Variants in STAB2 observed in about 807,000 individuals in gnomAD.
STAB2 encodes stabilin 2.
STAB2 carries 288 observed loss-of-function variants against 338.1 expected under a neutral mutation model. The ratio of observed to expected loss-of-function variants is 0.85; its 90% CI spans 0.77 to 0.94. The LOEUF (loss-of-function observed/expected upper bound fraction) is 0.94, where lower values mean the gene tolerates loss of function less well. Ranked by LOEUF, STAB2 falls within the 40% of genes least tolerant of loss-of-function variation. The pLI is 0.00. For missense variants in STAB2, 3,141 were observed against 3,210.1 expected (o/e 0.98, Z 0.52); for synonymous variants, 1,202 against 1,193.3 (o/e 1.01, Z -0.15).
chr12:103,763,417 C>A, intron 67 of STAB2, 75 bp from the exon 68 acceptor site: 2 of 1,356,016 alleles, frequency 1.5e-6, no homozygotes, highest in South Asian at 1.2e-5. Context: ...GGGTGGCTTG[C>A]TTTACCTGCC....
intron 39 of STAB2, among the ~76,000 whole-genome samples, chr12:103,709,566 T>A (rs1879667336): frequency 1.3e-5 from 2 of 152,150 alleles, no homozygotes; most frequent in Admixed American, 1.3e-4. Flanking sequence ...GCTAGCCTAG[T>A]GGGGGCTCCA....
chr12:103,590,652 T>A (rs1160816118), intron 1 of STAB2, among the ~76,000 whole-genome samples: 1 of 152,216 alleles, frequency 6.6e-6, no homozygotes, highest in Non-Finnish European at 1.5e-5. Flanking sequence ...GTATGGCAAA[T>A]GTATGGTACA....
chr12:103,704,656 G>T (rs377050329), intron 36 of STAB2, 42 bp downstream of exon 36: 11 of 1,569,208 alleles, frequency 7.0e-6, no homozygotes, highest in African/African-American at 5.4e-5. Flanking sequence ...TTCCAGATCC[G>T]AGGAGTCCCA....
chr12:103,604,723 T>G (rs1394191698), intron 3 of STAB2, among the ~76,000 whole-genome samples: 1 of 151,956 alleles, frequency 6.6e-6, no homozygotes, highest in Non-Finnish European at 1.5e-5. Flanking sequence ...TTTCTGTGAT[T>G]GGTAATTTTC....
chr12:103,610,759 A>T (rs149133681), intron 3 of STAB2, among the ~76,000 whole-genome samples: 5,282 of 152,086 alleles, frequency 0.035, 186 homozygotes, highest in African/African-American at 0.091. Context: ...TTGCTTTTCT[A>T]GTTCTTTTCA....
chr12:103,648,236 C>T (rs899720217), intron 9 of STAB2, among the ~76,000 whole-genome samples: 4 of 152,144 alleles, frequency 2.6e-5, no homozygotes, highest in Non-Finnish European at 5.9e-5. Context: ...TTGAGCAGAG[C>T]TCTCAGCTAG....
chr12:103,759,560 A>G (rs1884389341), intron 65 of STAB2, among the ~76,000 whole-genome samples: 1 of 152,204 alleles, frequency 6.6e-6, no homozygotes, highest in Non-Finnish European at 1.5e-5. Context: ...AGACTATTCC[A>G]GGCATTAACA....
At chr12:103,757,822 C>A (rs1378369340) in intron 63 of STAB2, 1 of 263,090 alleles carries the variant, frequency 3.8e-6, no homozygotes, top group Non-Finnish European at 7.6e-6. Context: ...CTTTGGGCCT[C>A]GTGAGCTGTT....
At chr12:103,699,941 T>C (rs1468506016) in intron 34 of STAB2, among the ~76,000 whole-genome samples, 1 of 152,168 alleles carries the variant, frequency 6.6e-6, no homozygotes, top group African/African-American at 2.4e-5. Flanking sequence ...GAGATCAACC[T>C]AATTCCCAGG....
intron 51 of STAB2, among the ~76,000 whole-genome samples, chr12:103,734,993 C>T (rs999920653): frequency 6.6e-6 from 1 of 152,106 alleles, no homozygotes; most frequent in African/African-American, 2.4e-5. Flanking sequence ...TATAAGAACA[C>T]CATTCAAACT....
In STAB2 at chr12:103,668,627, C is replaced by T; in HGVS notation, c.2086-16C>T. 6.4e-7 allele frequency: 1 copy of T among 1,551,040 alleles called. No individual in the cohort carries two copies. The highest frequency in any genetic ancestry group is 1.2e-5 in the South Asian group (1 of 84,070). Reference sequence around the variant, plus strand: ...ACATGCTGACTGCCATGCTTTCCCTCCTTGGCTTTCTCCAGGCACTCTTCA... The same window carrying T: ...ACATGCTGACTGCCATGCTTTCCCTTCTTGGCTTTCTCCAGGCACTCTTCA... On this transcript the variant is annotated splice_polypyrimidine_tract_variant and intron_variant, in intron 19 of 68. Coordinates refer to ENST00000388887, the MANE Select transcript of STAB2 (RefSeq NM_017564.10).
rs10778281 is a variant in STAB2, at chr12:103,730,133, C to T, written c.5100C>T (p.Asn1700=). Reference sequence around the variant, plus strand: ...GATTTCAGAGCACGGTGTATATAAACAATAAGGCTAAGATCATATCCAGTG... The same window carrying T: ...GATTTCAGAGCACGGTGTATATAAATAATAAGGCTAAGATCATATCCAGTG... ...ISVSQSTVYI[N]NKAKIISSDI... The change falls in exon 49 of 69, where the codon AAC becomes AAT. Residue 1700 remains asparagine (N), a synonymous_variant. Transcript: ENST00000388887. The T allele has an allele frequency of 0.17, 267,251 of 1,602,330 alleles. 31,240 individuals are homozygous for T. The highest frequency in any genetic ancestry group is 0.62 in the African/African-American group (45,873 of 74,316).
At position 103,592,931 on chromosome 12, in the gene STAB2, GTCTAGCTTATCTCA is replaced by G. The variant is rs1956821845; in HGVS notation, c.216-1463_216-1450del. On this transcript the variant is annotated intron_variant, in intron 2 of 68. Coordinates refer to ENST00000388887, the MANE Select transcript of STAB2 (RefSeq NM_017564.10). ...GATCATATAGTATCTGTTCTTCTGT[GTCTAGCTTATCTCA>G]CTTAGCATGATATCCTCTAGGTTCA... Among the ~76,000 whole-genome samples the G allele has an allele frequency of 3.3e-5, 5 of 152,108 alleles. No individual in the cohort carries two copies. In the South Asian group the frequency reaches 1.0e-3, roughly 32 times the overall value.
chr12:103,692,715 G>T (rs1431232626), intron 30 of STAB2, 97 bp from the exon 31 acceptor site: 11 of 963,358 alleles, frequency 1.1e-5, no homozygotes, highest in Admixed American at 2.2e-5. Context: ...AAGTATGAAG[G>T]TCACTGCTGC....
intron 41 of STAB2, 71 bp downstream of exon 41, chr12:103,712,514 T>C (rs976859763): frequency 7.1e-5 from 88 of 1,239,322 alleles, no homozygotes; most frequent in Non-Finnish European, 9.7e-5. Context: ...TTCTTGTTCC[T>C]GCAGTCTGAA....
intron 59 of STAB2, 101 bp downstream of exon 59, chr12:103,749,257 C>T: frequency 7.8e-7 from 1 of 1,278,970 alleles, no homozygotes; most frequent in South Asian, 1.8e-5. Context: ...TGGACTCTTC[C>T]TAAACATTTT....
intron 24 of STAB2, 61 bp downstream of exon 24, chr12:103,676,082 GAC>G: frequency 1.2e-6 from 1 of 817,860 alleles, no homozygotes; most frequent in Non-Finnish European, 1.7e-6. Flanking sequence ...TTTTTTTTGA[GAC>G]AGAGTCTCGC....
At chr12:103,737,097 CTAAA>C (rs1306479644) in intron 52 of STAB2, among the ~76,000 whole-genome samples, 5 of 152,198 alleles carry the variant, frequency 3.3e-5, no homozygotes, top group African/African-American at 1.2e-4. Context: ...GGTGCTGGCA[CTAAA>C]TAAGGAGACT....
intron 46 of STAB2, among the ~76,000 whole-genome samples, chr12:103,726,826 T>C (rs946706052): frequency 1.4e-4 from 21 of 152,308 alleles, no homozygotes; most frequent in Non-Finnish European, 2.8e-4. Context: ...GAAGAAAATA[T>C]GCTCATAGTA....
Sources: allele counts gnomAD v4.1 joint callset (sites outside exome capture counted in the v4.1 genomes callset), GRCh38; gene constraint gnomAD v4.1.1; transcripts MANE v1.5; gene names NCBI Gene and HGNC (gene_info 2026-07-23, HGNC 2026-07-21).